Variants in SV2B observed in about 807,000 individuals in gnomAD.
SV2B encodes the protein solute carrier family 22 member B2.
A neutral mutation model predicts 73.9 loss-of-function variants in SV2B; 41 were observed. That is an observed-to-expected ratio of 0.56 (90% CI 0.43 to 0.72). The LOEUF is 0.72. Among genes scored for constraint, SV2B ranks in the 30% least tolerant of loss-of-function variants. The probability of loss-of-function intolerance (pLI) is 0.00; values close to 1 mark genes in which losing one functional copy is unlikely to be tolerated. For missense variants in SV2B, 764 were observed against 857.8 expected (o/e 0.89, Z 1.37); for synonymous variants, 314 against 314.2 (o/e 1.00, Z 0.01).
intron 2 of SV2B, among the ~76,000 whole-genome samples, chr15:91,248,572 C>T (rs943132382): frequency 6.6e-6 from 1 of 152,146 alleles, no homozygotes; most frequent in African/African-American, 2.4e-5. Flanking sequence ...AGGTTTTGCT[C>T]CCAAATCATA....
intron 1 of SV2B, among the ~76,000 whole-genome samples, chr15:91,169,438 A>G (rs1332743145): frequency 1.9e-5 from 1 of 51,406 alleles, no homozygotes; most frequent in Non-Finnish European, 4.2e-5. Context: ...CCCCACCCCC[A>G]CCCTGTTTTG....
At chr15:91,127,569 C>G (rs2042523628) in intron 1 of SV2B, among the ~76,000 whole-genome samples, 1 of 152,106 alleles carries the variant, frequency 6.6e-6, no homozygotes, top group Non-Finnish European at 1.5e-5. Flanking sequence ...AAGAAAAGCT[C>G]TTTCTATTGA....
At chr15:91,203,291 C>T (rs923226758) in intron 1 of SV2B, among the ~76,000 whole-genome samples, 2 of 152,184 alleles carry the variant, frequency 1.3e-5, no homozygotes, top group Non-Finnish European at 2.9e-5. Flanking sequence ...CTATGCCATC[C>T]CCTGTGGTCA....
rs902234647 is a variant in SV2B, at chr15:91,137,770, G to A, written c.-392+37407G>A. 6.6e-6 allele frequency among the ~76,000 whole-genome samples: 1 copy of A among 151,656 alleles called. No individual in the cohort carries two copies. Among genetic ancestry groups the A allele is most frequent in the Admixed American group, 6.6e-5 (1 of 15,194 alleles). ...CACATCAAATATGTTTAACCTGTAGGTTTATAATGGTGCTCAGAATAGAAC... is the reference window on the plus strand; with the variant it reads ...CACATCAAATATGTTTAACCTGTAGATTTATAATGGTGCTCAGAATAGAAC... On this transcript the variant is annotated intron_variant, in intron 1 of 12. Transcript: ENST00000394232. The surrounding 1 kb of genome is among the most constrained non-coding windows in gnomAD (Gnocchi z 4.9).
rs1275513047 is a variant in SV2B, at chr15:91,158,688, TCTCTTCTCTTCTCTC to T, written c.-392+58330_-392+58344del. Among the ~76,000 whole-genome samples, 449 of 58,880 alleles carry T rather than the reference TCTCTTCTCTTCTCTC, an allele frequency of 7.6e-3. 23 individuals are homozygous for T. Among genetic ancestry groups the T allele is most frequent in the Non-Finnish European group, 0.01 (300 of 29,306 alleles). 38.6% of individuals were successfully genotyped at this position (58,880 alleles called of 152,430 possible). A position where few individuals can be genotyped will look rare whatever the true frequency, so the allele number is the denominator to read the frequency against. On this transcript the variant is annotated intron_variant, in intron 1 of 12. Coordinates refer to ENST00000394232, the MANE Select transcript of SV2B (RefSeq NM_001323032.3). Reference sequence around the variant, plus strand: ...TCTCTTCTCTTCTCTTCTCTTCTCTTCTCTTCTCTTCTCTCCTCTCCTCTCCTCTCCTCTCCTCTC... The same window carrying T: ...TCTCTTCTCTTCTCTTCTCTTCTCTTCTCTCCTCTCCTCTCCTCTCCTCTC...
chr15:91,190,334 C>CTT (rs112187512), intron 1 of SV2B, among the ~76,000 whole-genome samples: 45,521 of 149,906 alleles, frequency 0.3, 7,856 homozygotes, highest in East Asian at 0.71. Context: ...TCAGTGTTTT[C>CTT]TTTTTTTTTC....
chr15:91,167,008 T>C lies in SV2B; in HGVS notation c.-391-58865T>C, dbSNP rs916679212. Among the ~76,000 whole-genome samples the C allele has an allele frequency of 2.6e-5, 4 of 152,152 alleles. No individual in the cohort carries two copies. The East Asian group carries it at 7.7e-4, about 29-fold the overall frequency. On this transcript the variant is annotated intron_variant, in intron 1 of 12. Coordinates refer to ENST00000394232, the MANE Select transcript of SV2B (RefSeq NM_001323032.3). ...TTTTGTATTTTTAGTAGAGACGGGG[T>C]TTCACCGTGTTATCCAGGATGGTCT...
chr15:91,300,697 A>G lies in SV2B; in HGVS notation c.*8145A>G, dbSNP rs2049413430. 1 of 152,180 alleles carries G rather than the reference A, an allele frequency of 6.6e-6. No individual in the cohort carries two copies. The highest frequency in any genetic ancestry group is 2.4e-5 in the African/African-American group (1 of 41,426). The allele number at this position is 152,180 out of a possible 1,614,324, so 9.4% of individuals were successfully genotyped here. A position where few individuals can be genotyped will look rare whatever the true frequency, so the allele number is the denominator to read the frequency against. Reference sequence around the variant, plus strand: ...AATCATTCCCACAGCAACTGCTACAAAAGTGACTATCTTAATCCTTTGGCT... The same window carrying G: ...AATCATTCCCACAGCAACTGCTACAGAAGTGACTATCTTAATCCTTTGGCT... On this transcript the variant is annotated 3_prime_UTR_variant, in exon 13 of 13. Coordinates refer to ENST00000394232, the MANE Select transcript of SV2B (RefSeq NM_001323032.3).
Position 91,252,343 on chromosome 15 carries a change from TTCTC to T in SV2B, c.633-22_633-19del. On this transcript the variant is annotated intron_variant, in intron 3 of 12. Transcript: ENST00000394232. This position sits in a 1 kb window ranked among gnomAD's most constrained non-coding sequence, Gnocchi z 4.6. ...CATTTTTAGTGTATGACTTGATTCT[TTCTC>T]TCTGGCATTTTTCCTTTGCAGTATT... 1 of 1,590,602 alleles carries T rather than the reference TTCTC, an allele frequency of 6.3e-7. No individual in the cohort carries two copies. The highest frequency in any genetic ancestry group is 8.6e-7 in the Non-Finnish European group (1 of 1,166,918).
rs374889788 is a variant in SV2B, at chr15:91,258,479, C to T, written c.843C>T (p.Ile281=). ...YHFHSWRVFV[I]VCALPCTVSM... ...TCCATAGCTGGAGAGTGTTTGTCAT[C>T]GTCTGTGCTCTGCCCTGCACCGTGT... is the stretch of plus-strand genomic sequence containing the variant. Residue 281 remains isoleucine (I), a synonymous_variant, in exon 5 of 13, where the codon ATC becomes ATT. Transcript: ENST00000394232. The surrounding 1 kb of genome is among the most constrained non-coding windows in gnomAD (Gnocchi z 4.7). 2.5e-6 allele frequency: 4 copies of T among 1,613,982 alleles called. No individual in the cohort carries two copies. Among genetic ancestry groups the T allele is most frequent in the South Asian group, 1.1e-5 (1 of 91,070 alleles).
chr15:91,222,089 T>C (rs2046238764), intron 1 of SV2B, among the ~76,000 whole-genome samples: 1 of 152,164 alleles, frequency 6.6e-6, no homozygotes, highest in Admixed American at 6.5e-5. Context: ...CCATTGTTTG[T>C]TTCTCTGAGC....
At chr15:91,172,541 A>C (rs1012286853) in intron 1 of SV2B, among the ~76,000 whole-genome samples, 1 of 152,216 alleles carries the variant, frequency 6.6e-6, no homozygotes, top group African/African-American at 2.4e-5. Context: ...GGGAGGCACG[A>C]AAGAGGAGGA....
At chr15:91,264,361 C>T (rs2048029261) in intron 6 of SV2B, among the ~76,000 whole-genome samples, 1 of 152,224 alleles carries the variant, frequency 6.6e-6, no homozygotes, top group South Asian at 2.1e-4. Flanking sequence ...AGTCAGGTAG[C>T]TCACACTGGA....
At chr15:91,264,801 T>C (rs2048044389) in intron 6 of SV2B, among the ~76,000 whole-genome samples, 2 of 152,094 alleles carry the variant, frequency 1.3e-5, no homozygotes, top group Admixed American at 6.5e-5. Context: ...AGGAAGGATG[T>C]GCAGGCAGAA....
chr15:91,163,922 T>G (rs1420490319), intron 1 of SV2B, among the ~76,000 whole-genome samples: 2 of 152,218 alleles, frequency 1.3e-5, no homozygotes, highest in African/African-American at 4.8e-5. Flanking sequence ...CTTTAATCCA[T>G]CTTGAATTAA....
At chr15:91,103,333 T>G (rs569483521) in intron 1 of SV2B, among the ~76,000 whole-genome samples, 2 of 152,286 alleles carry the variant, frequency 1.3e-5, no homozygotes, top group African/African-American at 2.4e-5. Context: ...AGTATTATGA[T>G]TTTTTGTTTC....
Position 91,288,059 on chromosome 15 carries a change from G to T in SV2B, c.1709-1462G>T, listed in dbSNP as rs1220620552. ...TCCCAACTGATAAGAAAGTCCATGG[G>T]GTTAGCGTGTAGAGGGTATGTACAG... On this transcript the variant is annotated intron_variant, in intron 11 of 12. Transcript: ENST00000394232. This position sits in a 1 kb window ranked among gnomAD's most constrained non-coding sequence, Gnocchi z 5.8. Among the ~76,000 whole-genome samples the T allele has an allele frequency of 6.6e-6, 1 of 152,128 alleles. No homozygotes were observed. The highest frequency in any genetic ancestry group is 1.5e-5 in the Non-Finnish European group (1 of 68,034).
intron 1 of SV2B, among the ~76,000 whole-genome samples, chr15:91,207,346 C>T (rs1041172806): frequency 1.6e-4 from 24 of 151,624 alleles, no homozygotes; most frequent in African/African-American, 4.1e-4. Context: ...TTTTTTCTGT[C>T]GGATATCTAA....
In SV2B at chr15:91,105,381, A is replaced by G. The variant is rs1393439580; in HGVS notation, c.-392+5018A>G. On this transcript the variant is annotated intron_variant, in intron 1 of 12. Coordinates refer to ENST00000394232, the MANE Select transcript of SV2B (RefSeq NM_001323032.3). The surrounding 1 kb of genome is among the most constrained non-coding windows in gnomAD (Gnocchi z 5.5). ...GCCAGACAGTTATCTGGGGAAAGAC[A>G]TTTCCAGGTAGGGAGAACAGGTGCA... Among the ~76,000 whole-genome samples, 4 of 152,172 alleles carry G rather than the reference A, an allele frequency of 2.6e-5. No homozygotes were observed. The highest frequency in any genetic ancestry group is 5.9e-5 in the Non-Finnish European group (4 of 68,020).
Sources: gnomAD v4.1 joint callset for allele counts (sites outside exome capture counted in the v4.1 genomes callset) on GRCh38, gnomAD v4.1.1 for gene constraint, Gnocchi (gnomAD v3.1) non-coding constraint, MANE v1.5 for transcripts, NCBI Gene and HGNC (gene_info 2026-07-23, HGNC 2026-07-21) for gene names.